Variants in RPS6KC1 observed in about 807,000 individuals in gnomAD.
The protein encoded by RPS6KC1 is ribosomal protein S6 kinase C1.
A neutral mutation model predicts 103.8 loss-of-function variants in RPS6KC1; 54 were observed. The observed-to-expected ratio is 0.52, with a 90% CI of 0.42 to 0.65. The LOEUF is 0.65. Among genes scored for constraint, RPS6KC1 ranks in the 30% least tolerant of loss-of-function variants. The pLI, the probability that RPS6KC1 is intolerant of heterozygous loss-of-function variation, is 0.00. For synonymous variants in RPS6KC1, 439 were observed against 438.7 expected (o/e 1.00, Z -0.01); for missense variants, 1,151 against 1,253.8 (o/e 0.92, Z 1.24).
At chr1:213,626,454 G>A in the RPS6KC1 span, among the ~76,000 whole-genome samples, 1 of 152,084 alleles carries the variant, frequency 6.6e-6, no homozygotes, top group Non-Finnish European at 1.5e-5. Context: ...GTCAATTTTG[G>A]CTTTTGTTGT....
At chr1:213,653,475 C>T in the RPS6KC1 span, among the ~76,000 whole-genome samples, 1 of 151,788 alleles carries the variant, frequency 6.6e-6, no homozygotes, top group African/African-American at 2.4e-5. Context: ...AAAAAAATTA[C>T]TAGCATTCTT....
At chr1:213,472,928 A>T in the RPS6KC1 span, among the ~76,000 whole-genome samples, 4 of 152,344 alleles carry the variant, frequency 2.6e-5, no homozygotes, top group East Asian at 7.7e-4. Flanking sequence ...TTCATATCAG[A>T]AGGTAAACAT....
chr1:213,299,141 G>A, the RPS6KC1 span, among the ~76,000 whole-genome samples: 3 of 152,224 alleles, frequency 2.0e-5, no homozygotes, highest in Non-Finnish European at 4.4e-5. Flanking sequence ...GGGCTCCTAA[G>A]ATGTGTATCC....
chr1:213,854,303 A>G, the RPS6KC1 span, among the ~76,000 whole-genome samples: 24 of 152,338 alleles, frequency 1.6e-4, no homozygotes, highest in African/African-American at 5.5e-4. Context: ...CATTGAATTA[A>G]TTTCCTTTCC....
the RPS6KC1 span, among the ~76,000 whole-genome samples, chr1:213,492,048 T>C: frequency 6.6e-6 from 1 of 152,144 alleles, no homozygotes; most frequent in Non-Finnish European, 1.5e-5. Context: ...CCCTCCCCCG[T>C]ATGTAAGCCC....
At chr1:213,515,605 C>T in the RPS6KC1 span, among the ~76,000 whole-genome samples, 3 of 152,112 alleles carry the variant, frequency 2.0e-5, no homozygotes, top group Non-Finnish European at 4.4e-5. Flanking sequence ...GTTTTTGTAC[C>T]AGTACCATGC....
At chr1:213,486,732 C>T in the RPS6KC1 span, among the ~76,000 whole-genome samples, 41,386 of 152,120 alleles carry the variant, frequency 0.27, 5,987 homozygotes, top group Admixed American at 0.36. Flanking sequence ...CTTAATTAAA[C>T]AATGTATTGA....
the RPS6KC1 span, among the ~76,000 whole-genome samples, chr1:213,627,433 G>T: frequency 6.6e-6 from 1 of 151,898 alleles, no homozygotes; most frequent in African/African-American, 2.4e-5. Context: ...CTGCCTGATT[G>T]CCCTGGCCAG....
At chr1:213,699,623 G>A in the RPS6KC1 span, among the ~76,000 whole-genome samples, 1 of 151,930 alleles carries the variant, frequency 6.6e-6, no homozygotes, top group Non-Finnish European at 1.5e-5. Context: ...AGTTTTATGA[G>A]GAACTTCCAA....
rs536968174 is a variant in RPS6KC1, at chr1:213,155,600, ACT to A, written c.836-12253_836-12252del. Among the ~76,000 whole-genome samples the A allele has an allele frequency of 1.5e-4, 22 of 151,682 alleles. 1 individual carries two copies. In the South Asian group the frequency reaches 4.6e-3, roughly 32 times the overall value. On this transcript the variant is annotated intron_variant, in intron 6 of 14. Transcript: ENST00000366960. ...CCCTCCCCCAGACGCTCTCATAGACACTCTCTGCACCATGCTCCAGTAGGAGC... is the reference window on the plus strand; with the variant it reads ...CCCTCCCCCAGACGCTCTCATAGACACTCTGCACCATGCTCCAGTAGGAGC...
chr1:213,591,762 G>A, the RPS6KC1 span, among the ~76,000 whole-genome samples: 1 of 152,202 alleles, frequency 6.6e-6, no homozygotes, highest in Non-Finnish European at 1.5e-5. Context: ...AACAGGTCTA[G>A]GGAGAGGGAG....
the RPS6KC1 span, among the ~76,000 whole-genome samples, chr1:213,413,063 T>G: frequency 6.6e-6 from 1 of 152,242 alleles, no homozygotes; most frequent in Non-Finnish European, 1.5e-5. Flanking sequence ...TTGTTTGCTC[T>G]GTAAATGTTC....
chr1:213,432,058 C>G, the RPS6KC1 span, among the ~76,000 whole-genome samples: 1 of 152,164 alleles, frequency 6.6e-6, no homozygotes, highest in African/African-American at 2.4e-5. Flanking sequence ...ACAGTGATCA[C>G]CTTTTCATGT....
chr1:213,733,237 T>C, the RPS6KC1 span, among the ~76,000 whole-genome samples: 1 of 58,886 alleles, frequency 1.7e-5, no homozygotes, highest in African/African-American at 9.1e-5. Context: ...TTTTTGGGTT[T>C]TGTTTTTTTT....
intron 12 of RPS6KC1, among the ~76,000 whole-genome samples, chr1:213,244,611 A>G (rs191509969): frequency 1.2e-3 from 179 of 152,284 alleles, no homozygotes; most frequent in African/African-American, 3.2e-3. Context: ...ACATGTTGGT[A>G]TCCTGAGAGT....
chr1:213,142,435 G>A (rs2087175285), intron 6 of RPS6KC1, among the ~76,000 whole-genome samples: 1 of 152,040 alleles, frequency 6.6e-6, no homozygotes. Flanking sequence ...GAGACACTCT[G>A]GCTCCTAGAG....
chr1:213,172,786 T>C (rs911667648), intron 7 of RPS6KC1, among the ~76,000 whole-genome samples: 5 of 152,232 alleles, frequency 3.3e-5, no homozygotes, highest in African/African-American at 1.2e-4. Flanking sequence ...TGGGTCATCA[T>C]GTACTCCTGC....
At chr1:213,187,192 C>G (rs542412279) in intron 8 of RPS6KC1, among the ~76,000 whole-genome samples, 1 of 150,268 alleles carries the variant, frequency 6.7e-6, no homozygotes, top group Admixed American at 6.6e-5. Flanking sequence ...TGCCTAGCCT[C>G]TGTTTGATTT....
At chr1:213,153,225 GAGGGAGAGGGAGACCGT>G (rs1473078022) in intron 6 of RPS6KC1, among the ~76,000 whole-genome samples, 2 of 151,578 alleles carry the variant, frequency 1.3e-5, no homozygotes, top group East Asian at 3.9e-4. Flanking sequence ...CGTGGAAAGA[GAGGGAGAGGGAGACCGT>G]GGGGAGAGGG....
Sources: gnomAD v4.1 joint callset for allele counts (sites outside exome capture counted in the v4.1 genomes callset) on GRCh38, gnomAD v4.1.1 for gene constraint, MANE v1.5 for transcripts, NCBI Gene and HGNC (gene_info 2026-07-23, HGNC 2026-07-21) for gene names.